Variants in KDM4D observed in about 807,000 individuals in gnomAD.
The protein encoded by KDM4D is lysine-specific demethylase 4D.
For synonymous variants in KDM4D, 254 were observed against 249.1 expected, an observed-to-expected ratio of 1.02 and a Z score of -0.19; for missense variants, 427 against 674.8, an observed-to-expected ratio of 0.63 and a Z score of 4.07.
intron 2 of KDM4D, among the ~76,000 whole-genome samples, chr11:94,978,836 T>C (rs1278783963): frequency 6.6e-6 from 1 of 152,206 alleles, no homozygotes; most frequent in Non-Finnish European, 1.5e-5. Context: ...GACAAAGAAG[T>C]GCATGTATTA....
At chr11:94,993,694 T>A (rs1305412913) in intron 2 of KDM4D, among the ~76,000 whole-genome samples, 2 of 152,072 alleles carry the variant, frequency 1.3e-5, no homozygotes, top group African/African-American at 4.8e-5. Context: ...ACCCAAAGCT[T>A]ATTTTACTTG....
chr11:94,997,823 C>A lies in KDM4D; in HGVS notation c.451C>A (p.Gln151Lys). Residue 151 changes from glutamine (Q) to lysine (K), a missense_variant, in exon 3 of 3, where the codon CAA becomes AAA. Physicochemically the swap from Gln to Lys is moderately conservative, Grantham distance 53. Transcript: ENST00000335080. ...CTCCTTGTTTGATGAAAACACTAAA[C>A]AATGGAATCTTGGGCACCTGGGAAC... Reference protein sequence around the residue: ...SGSLFDENTKQWNLGHLGTIQ... With the variant: ...SGSLFDENTKKWNLGHLGTIQ... 6.2e-7 allele frequency: 1 copy of A among 1,614,228 alleles called. No homozygotes were observed. The highest frequency in any genetic ancestry group is 8.5e-7 in the Non-Finnish European group (1 of 1,180,038).
chr11:94,990,984 G>A (rs1160276211), intron 2 of KDM4D, among the ~76,000 whole-genome samples: 2 of 152,160 alleles, frequency 1.3e-5, no homozygotes, highest in Non-Finnish European at 2.9e-5. Context: ...TCTGGACTGG[G>A]AATTTCCAGA....
chr11:94,979,428 C>T (rs1555097345), intron 2 of KDM4D, among the ~76,000 whole-genome samples: 1 of 152,086 alleles, frequency 6.6e-6, no homozygotes, highest in African/African-American at 2.4e-5. Flanking sequence ...TGGAGTTTCA[C>T]CATGTTGGCC....
At chr11:94,994,790 GA>G (rs1555099042) in intron 2 of KDM4D, among the ~76,000 whole-genome samples, 1 of 151,270 alleles carries the variant, frequency 6.6e-6, no homozygotes, top group African/African-American at 2.4e-5. Context: ...GGTTGGGTGG[GA>G]GAGAGAGAGA....
rs782121771 is a variant in KDM4D at position 94,998,423 on chromosome 11, A to G, written c.1051A>G (p.Arg351Gly). The change falls in exon 3 of 3, where the codon AGG becomes GGG. Residue 351 changes from arginine to glycine, a missense_variant. Arg to Gly is a moderately radical substitution (Grantham distance 125, BLOSUM62 -2). Transcript: ENST00000335080. The surrounding 1 kb of genome is among the most constrained non-coding windows in gnomAD (Gnocchi z 6.7). ...GGCAGTTGTGGACCACATGGAGCCCAGGGTACCAGCCAGCCAAGAGCTGAG... is the reference window on the plus strand; with the variant it reads ...GGCAGTTGTGGACCACATGGAGCCCGGGGTACCAGCCAGCCAAGAGCTGAG... ...DRAVVDHMEP[R>G]VPASQELSTQ... 2 of 1,613,760 alleles carry G rather than the reference A, an allele frequency of 1.2e-6. No homozygotes were observed. Among genetic ancestry groups the G allele is most frequent in the Non-Finnish European group, 1.7e-6 (2 of 1,180,034 alleles).
At chr11:94,987,662 T>C (rs1040288295) in intron 2 of KDM4D, among the ~76,000 whole-genome samples, 1 of 151,850 alleles carries the variant, frequency 6.6e-6, no homozygotes, top group Non-Finnish European at 1.5e-5. Context: ...ACGTTTAACA[T>C]GAAAGACAGA....
At position 94,999,254 on chromosome 11, in the gene KDM4D, T is replaced by G; in HGVS notation, c.*310T>G. ...TTGTTGAGGTTAGCGTAACCTGGTA[T>G]ATGCAACTACCATCCTCTGGGCCAA... is the stretch of plus-strand genomic sequence containing the variant. On this transcript the variant is annotated 3_prime_UTR_variant, in exon 3 of 3. Coordinates refer to ENST00000335080, the MANE Select transcript of KDM4D (RefSeq NM_018039.3). 4.6e-6 allele frequency: 1 copy of G among 216,780 alleles called. No homozygotes were observed. The highest frequency in any genetic ancestry group is 9.9e-6 in the Non-Finnish European group (1 of 100,810). 13.4% of individuals were successfully genotyped at this position (216,780 alleles called of 1,614,324 possible). A position where few individuals can be genotyped will look rare whatever the true frequency, so the allele number is the denominator to read the frequency against.
intron 2 of KDM4D, among the ~76,000 whole-genome samples, chr11:94,984,693 TAAA>T (rs35239329): frequency 2.3e-5 from 2 of 87,756 alleles, no homozygotes; most frequent in African/African-American, 4.5e-5. Flanking sequence ...CCATCTCTAC[TAAA>T]AAAAAAAAAA....
At chr11:94,988,198 A>C (rs1555098299) in intron 2 of KDM4D, among the ~76,000 whole-genome samples, 1 of 152,228 alleles carries the variant, frequency 6.6e-6, no homozygotes, top group Non-Finnish European at 1.5e-5. Context: ...AGGAACAGAA[A>C]ACAGGTTTTG....
At chr11:94,991,965 A>G (rs1002729356) in intron 2 of KDM4D, among the ~76,000 whole-genome samples, 9 of 152,100 alleles carry the variant, frequency 5.9e-5, no homozygotes, top group Admixed American at 3.9e-4. Flanking sequence ...ACCAAGAATC[A>G]TATTCATATC....
At chr11:94,979,244 T>A (rs973224254) in intron 2 of KDM4D, among the ~76,000 whole-genome samples, 12 of 152,278 alleles carry the variant, frequency 7.9e-5, no homozygotes, top group East Asian at 5.8e-4. Flanking sequence ...TTATTTATTT[T>A]TTTGAGACAG....
chr11:94,995,044 G>C (rs1857965188), intron 2 of KDM4D, among the ~76,000 whole-genome samples: 1 of 152,124 alleles, frequency 6.6e-6, no homozygotes, highest in African/African-American at 2.4e-5. Flanking sequence ...AGGTGACAGA[G>C]GGAAGTGTGT....
intron 2 of KDM4D, among the ~76,000 whole-genome samples, chr11:94,986,179 GAAAAC>G (rs1857885809): frequency 6.6e-6 from 1 of 152,020 alleles, no homozygotes; most frequent in Admixed American, 6.6e-5. Flanking sequence ...ACAGTAATAA[GAAAAC>G]AAAGAATAAG....
At chr11:94,975,465 A>T (rs972361750) in intron 1 of KDM4D, among the ~76,000 whole-genome samples, 189 bp from the exon 2 acceptor site, 16 of 152,118 alleles carry the variant, frequency 1.1e-4, no homozygotes, top group Non-Finnish European at 2.2e-4. Flanking sequence ...CTGTGCTTTC[A>T]GTTTCCTCAC....
intron 2 of KDM4D, among the ~76,000 whole-genome samples, chr11:94,985,306 G>A (rs1410653683): frequency 1.3e-5 from 2 of 152,182 alleles, no homozygotes; most frequent in South Asian, 2.1e-4. Context: ...CTGTGCATTA[G>A]TAGTGAACAA....
chr11:94,981,284 T>C (rs1409262122), intron 2 of KDM4D, among the ~76,000 whole-genome samples: 1 of 152,092 alleles, frequency 6.6e-6, no homozygotes, highest in Non-Finnish European at 1.5e-5. Flanking sequence ...TCAGTTAGGA[T>C]TTTTCCATCT....
At chr11:94,992,563 T>C (rs1555098804) in intron 2 of KDM4D, among the ~76,000 whole-genome samples, 2 of 152,070 alleles carry the variant, frequency 1.3e-5, no homozygotes. Flanking sequence ...ATTTGATCAG[T>C]GTTCAGGATG....
chr11:94,978,037 A>G (rs1430815061), intron 2 of KDM4D, among the ~76,000 whole-genome samples: 1 of 152,242 alleles, frequency 6.6e-6, no homozygotes, highest in Non-Finnish European at 1.5e-5. Flanking sequence ...AAATGAAGAT[A>G]TGATAAGACC....
Sources: allele counts gnomAD v4.1 joint callset (sites outside exome capture counted in the v4.1 genomes callset), GRCh38; gene constraint gnomAD v4.1.1; non-coding constraint Gnocchi (gnomAD v3.1); transcripts MANE v1.5; gene names NCBI Gene and HGNC (gene_info 2026-07-23, HGNC 2026-07-21).